SRGAP2: variants seen among roughly 807,000 people sequenced by gnomAD.
SRGAP2 encodes the protein SLIT-ROBO Rho GTPase-activating protein 2.
In SRGAP2, 15 loss-of-function variants were observed where a neutral mutation model predicts 57.2. That is an observed-to-expected ratio of 0.26 (90% confidence interval 0.18 to 0.40). The LOEUF (loss-of-function observed/expected upper bound fraction) is 0.40. Ranked by LOEUF, SRGAP2 falls within the 10% of genes least tolerant of loss-of-function variation. SRGAP2 has a pLI of 1.00. For synonymous variants in SRGAP2, 249 were observed against 248.0 expected, an observed-to-expected ratio of 1.00 and a Z score of -0.04; for missense variants, 520 against 669.6, an observed-to-expected ratio of 0.78 and a Z score of 2.47.
In SRGAP2 at chr1:206,413,742, G is replaced by A. The variant is rs148676987; in HGVS notation, c.1357-2147G>A. Among the ~76,000 whole-genome samples, 274 of 152,238 alleles carry A rather than the reference G, an allele frequency of 1.8e-3. 2 individuals carry two copies. Among genetic ancestry groups the A allele is most frequent in the African/African-American group, 6.3e-3 (263 of 41,534 alleles). On this transcript the variant is annotated intron_variant, in intron 10 of 22. Transcript: ENST00000573034. Reference sequence around the variant, plus strand: ...GATGCAAAGGATAATGAATGACATGGTCTCTGACCATAGAGAGGAGGCAGT... The same window carrying A: ...GATGCAAAGGATAATGAATGACATGATCTCTGACCATAGAGAGGAGGCAGT...
intron 2 of SRGAP2, among the ~76,000 whole-genome samples, chr1:206,209,631 T>G (rs566090315): frequency 1.3e-5 from 2 of 151,768 alleles, no homozygotes; most frequent in African/African-American, 2.4e-5. Flanking sequence ...AGCAATAATA[T>G]TCTTAGTCTT....
Position 206,370,197 on chromosome 1 carries a change from C to T in SRGAP2, c.424-13817C>T, listed in dbSNP as rs573037247. On this transcript the variant is annotated intron_variant, in intron 4 of 22. Coordinates refer to ENST00000573034, the MANE Select transcript of SRGAP2 (RefSeq NM_015326.5). ...AGGAGAATGGCGTGAACCCAGGAGG[C>T]GGAGCTTGCAGTGAGCAGAGATCGC... 4.7e-3 allele frequency among the ~76,000 whole-genome samples: 711 copies of T among 152,070 alleles called. 7 individuals are homozygous for T. The highest frequency in any genetic ancestry group is 0.016 in the African/African-American group (659 of 41,486).
intron 2 of SRGAP2, among the ~76,000 whole-genome samples, chr1:206,222,962 C>T (rs201586329): frequency 2.4e-4 from 37 of 151,254 alleles, no homozygotes; most frequent in South Asian, 2.1e-4. Context: ...TCAGTAGAGA[C>T]GGGGTTTCAC....
chr1:206,374,150 G>T (rs1471551677), intron 4 of SRGAP2, among the ~76,000 whole-genome samples: 2 of 147,810 alleles, frequency 1.4e-5, no homozygotes, highest in African/African-American at 5.0e-5. Context: ...TCAGCCTCCC[G>T]AATAGCTGGG....
At chr1:206,425,555 G>A (rs749044473) in intron 13 of SRGAP2, among the ~76,000 whole-genome samples, 2 of 151,668 alleles carry the variant, frequency 1.3e-5, no homozygotes, top group Non-Finnish European at 2.9e-5. Flanking sequence ...TGTTTTTTGA[G>A]ACAGGGTCTC....
chr1:206,458,956 G>C lies in SRGAP2; in HGVS notation c.2832+9G>C, dbSNP rs376310723. 13 of 754,508 alleles carry C rather than the reference G, an allele frequency of 1.7e-5. No individual in the cohort carries two copies. In the African/African-American group the frequency reaches 2.1e-4, roughly 12 times the overall value. 46.7% of individuals were successfully genotyped at this position (754,508 alleles called of 1,614,324 possible). On this transcript the variant is annotated intron_variant, in intron 22 of 22. Coordinates refer to ENST00000573034, the MANE Select transcript of SRGAP2 (RefSeq NM_015326.5). ...CTGAGGTCATTGCTCAGGTAACTGT[G>C]GGCTCCTGGACAGACAGCATGAGTC...
intron 4 of SRGAP2, among the ~76,000 whole-genome samples, chr1:206,366,406 T>A (rs1302735012): frequency 6.6e-6 from 1 of 152,148 alleles, no homozygotes; most frequent in Non-Finnish European, 1.5e-5. Flanking sequence ...TGAGGAGCCC[T>A]GTAGCGCCTG....
At chr1:206,341,105 T>C (rs1349050239) in intron 3 of SRGAP2, among the ~76,000 whole-genome samples, 1 of 152,266 alleles carries the variant, frequency 6.6e-6, no homozygotes, top group African/African-American at 2.4e-5. Context: ...GTCTGATGTA[T>C]TCTGAAGTCC....
In SRGAP2 at chr1:206,267,282, A is replaced by C. The variant is rs182248298; in HGVS notation, c.68-35999A>C. Among the ~76,000 whole-genome samples, 1,250 of 152,268 alleles carry C rather than the reference A, an allele frequency of 8.2e-3. 9 individuals are homozygous for C. Among genetic ancestry groups the C allele is most frequent in the Middle Eastern group, 0.031 (9 of 294 alleles). On this transcript the variant is annotated intron_variant, in intron 2 of 22. Coordinates refer to ENST00000573034, the MANE Select transcript of SRGAP2 (RefSeq NM_015326.5). Reference sequence around the variant, plus strand: ...CACGCCCGGCCACTTTCAAACATTCATGGCGCTAGAGGCTCAAAATTTAGG... The same window carrying C: ...CACGCCCGGCCACTTTCAAACATTCCTGGCGCTAGAGGCTCAAAATTTAGG...
chr1:206,240,261 G>A (rs1431329205), intron 2 of SRGAP2, among the ~76,000 whole-genome samples: 5 of 103,096 alleles, frequency 4.8e-5, no homozygotes, highest in African/African-American at 2.0e-4. Context: ...GTGAGACAAC[G>A]TCTCAAAAAA....
intron 5 of SRGAP2, among the ~76,000 whole-genome samples, chr1:206,385,507 CT>C (rs1295711180): frequency 1.3e-5 from 2 of 149,914 alleles, no homozygotes; most frequent in African/African-American, 5.0e-5. Flanking sequence ...TGACCCTCTA[CT>C]ATTTGCAGCT....
At chr1:206,267,570 A>G (rs1166626592) in intron 2 of SRGAP2, among the ~76,000 whole-genome samples, 1 of 151,784 alleles carries the variant, frequency 6.6e-6, no homozygotes, top group African/African-American at 2.4e-5. Context: ...TTTTCATATA[A>G]AATGTCCAGT....
At chr1:206,340,415 A>G (rs1162328932) in intron 3 of SRGAP2, among the ~76,000 whole-genome samples, 2 of 148,378 alleles carry the variant, frequency 1.3e-5, no homozygotes, top group Non-Finnish European at 3.0e-5. Flanking sequence ...ACCTAACACC[A>G]TGCCTTGTTC....
intron 3 of SRGAP2, among the ~76,000 whole-genome samples, chr1:206,327,727 A>T (rs1674053681): frequency 8.8e-6 from 1 of 113,368 alleles, no homozygotes; most frequent in Non-Finnish European, 1.7e-5. Flanking sequence ...TTAAGACATC[A>T]GGAGTACTAA....
chr1:206,449,839 C>T (rs1459224822), intron 18 of SRGAP2, among the ~76,000 whole-genome samples: 2 of 152,168 alleles, frequency 1.3e-5, no homozygotes, highest in Admixed American at 6.5e-5. Flanking sequence ...CACTCTGTGC[C>T]AAACTTGTGA....
chr1:206,306,626 T>C (rs1672219280), intron 3 of SRGAP2, among the ~76,000 whole-genome samples: 1 of 152,266 alleles, frequency 6.6e-6, no homozygotes, highest in African/African-American at 2.4e-5. Context: ...TCCTGCTGAT[T>C]GGTAGAGCCG....
At chr1:206,441,707 GA>G (rs1342019810) in intron 17 of SRGAP2, among the ~76,000 whole-genome samples, 1 of 152,122 alleles carries the variant, frequency 6.6e-6, no homozygotes, top group Non-Finnish European at 1.5e-5. Context: ...AGCTTCTTTT[GA>G]AAAATTATTA....
At chr1:206,446,001 C>T (rs1207906414) in intron 17 of SRGAP2, 74 bp from the exon 18 acceptor site, 7 of 742,628 alleles carry the variant, frequency 9.4e-6, no homozygotes, top group Admixed American at 3.6e-5. Flanking sequence ...CTCTTGGCAG[C>T]GCCTCCTGTG....
chr1:206,453,299 G>A lies in SRGAP2; in HGVS notation c.2279G>A (p.Arg760Gln), dbSNP rs782290329. 7 of 761,098 alleles carry A rather than the reference G, an allele frequency of 9.2e-6. No individual in the cohort carries two copies. The highest frequency in any genetic ancestry group is 2.8e-5 in the South Asian group (2 of 72,374). 47.1% of individuals were successfully genotyped at this position (761,098 alleles called of 1,614,324 possible). A position where few individuals can be genotyped will look rare whatever the true frequency, so the allele number is the denominator to read the frequency against. Residue 760 changes from arginine to glutamine, a missense_variant, in exon 20 of 23, where the codon CGG becomes CAG. Arg to Gln is a conservative substitution (Grantham distance 43). Coordinates refer to ENST00000573034, the MANE Select transcript of SRGAP2 (RefSeq NM_015326.5). ...GGAGCATCCCTGCTGCTTTACCAGC[G>A]GGCTTCCGACGACTGGTGGGAAGGC... Reference protein sequence around the residue: ...KKGASLLLYQRASDDWWEGRH... With the variant: ...KKGASLLLYQQASDDWWEGRH...
Sources: gnomAD v4.1 joint callset for allele counts (sites outside exome capture counted in the v4.1 genomes callset) on GRCh38, gnomAD v4.1.1 for gene constraint, MANE v1.5 for transcripts, NCBI Gene and HGNC (gene_info 2026-07-23, HGNC 2026-07-21) for gene names.